The following FAM13A variants were observed in gnomAD, a reference collection of about 807,000 sequenced individuals.
FAM13A encodes the protein family with sequence similarity 13 member A, also known as protein FAM13A.
In FAM13A, 76 loss-of-function variants were observed where a neutral mutation model predicts 129.6. That is an observed-to-expected ratio of 0.59 (90% CI 0.49 to 0.71). FAM13A has a LOEUF of 0.71. Among genes scored for constraint, FAM13A ranks in the 30% least tolerant of loss-of-function variants. The probability of loss-of-function intolerance (pLI) is 0.00; values close to 1 mark genes in which losing one functional copy is unlikely to be tolerated. For synonymous variants in FAM13A, 443 were observed against 449.9 expected (o/e 0.98, Z 0.20); for missense variants, 1,108 against 1,249.3 (o/e 0.89, Z 1.70).
chr4:89,045,612 C>A (rs1770737833), intron 1 of FAM13A, among the ~76,000 whole-genome samples: 1 of 152,068 alleles, frequency 6.6e-6, no homozygotes, highest in Admixed American at 6.5e-5. Context: ...TTTTGCACAG[C>A]CAAGCAAAAA....
chr4:88,797,004 C>A (rs78824557), intron 8 of FAM13A, among the ~76,000 whole-genome samples: 1 of 151,710 alleles, frequency 6.6e-6, no homozygotes, highest in South Asian at 2.1e-4. Flanking sequence ...AGAAAATAGA[C>A]AAAAAAACCT....
At chr4:88,979,337 C>T (rs1312201396) in intron 4 of FAM13A, among the ~76,000 whole-genome samples, 1 of 152,074 alleles carries the variant, frequency 6.6e-6, no homozygotes, top group Admixed American at 6.6e-5. Context: ...AAAAGTACAT[C>T]CAACAAAAAT....
At chr4:89,022,695 T>C (rs1767431769) in intron 2 of FAM13A, among the ~76,000 whole-genome samples, 1 of 152,172 alleles carries the variant, frequency 6.6e-6, no homozygotes, top group Non-Finnish European at 1.5e-5. Flanking sequence ...TGATGTCATG[T>C]CATATTTTAA....
intron 3 of FAM13A, among the ~76,000 whole-genome samples, 197 bp downstream of exon 3, chr4:89,020,263 G>GT (rs34554002): frequency 2.8e-5 from 4 of 142,800 alleles, no homozygotes; most frequent in Non-Finnish European, 1.5e-5. Flanking sequence ...AATAAAACTG[G>GT]TTTTTTTTTT....
chr4:88,740,779 T>C (rs755463473), intron 19 of FAM13A, among the ~76,000 whole-genome samples: 5 of 152,226 alleles, frequency 3.3e-5, no homozygotes, highest in Non-Finnish European at 7.3e-5. Flanking sequence ...CTTGACAAGT[T>C]AGAATAAGAT....
At chr4:88,874,210 T>C (rs1317385778) in intron 6 of FAM13A, among the ~76,000 whole-genome samples, 3 of 152,192 alleles carry the variant, frequency 2.0e-5, no homozygotes, top group African/African-American at 7.2e-5. Flanking sequence ...TCTGGAAGCA[T>C]TCCCTTTGAA....
At chr4:88,737,577 A>G (rs751234239) in intron 20 of FAM13A, 22 bp from the exon 21 acceptor site, 1 of 1,604,128 alleles carries the variant, frequency 6.2e-7, no homozygotes, top group Non-Finnish European at 8.5e-7. Flanking sequence ...GTTAACAAGT[A>G]GGTTACATTC....
At chr4:88,859,390 G>A (rs545002063) in intron 6 of FAM13A, among the ~76,000 whole-genome samples, 179 of 152,218 alleles carry the variant, frequency 1.2e-3, no homozygotes, top group African/African-American at 3.9e-3. Flanking sequence ...ATCTTAGTCA[G>A]GACTCTCAGC....
chr4:88,750,014 G>A (rs1578481127), intron 15 of FAM13A, 105 bp from the exon 16 acceptor site: 9 of 1,208,038 alleles, frequency 7.5e-6, no homozygotes, highest in East Asian at 2.4e-5. Flanking sequence ...GGTGGGGTGG[G>A]GGCAGTGCGG....
chr4:88,730,415 C>T (rs1473253334), intron 23 of FAM13A, among the ~76,000 whole-genome samples: 3 of 152,104 alleles, frequency 2.0e-5, no homozygotes, highest in Admixed American at 6.6e-5. Context: ...TTTTTTGAGA[C>T]GAAGTCTTGC....
chr4:89,021,746 G>C (rs1176731700), intron 2 of FAM13A, among the ~76,000 whole-genome samples: 1 of 152,064 alleles, frequency 6.6e-6, no homozygotes, highest in Non-Finnish European at 1.5e-5. Context: ...TTTTAAGGTA[G>C]TAAACTGAGA....
chr4:88,894,617 G>T (rs1487597124), intron 6 of FAM13A, among the ~76,000 whole-genome samples: 1 of 152,190 alleles, frequency 6.6e-6, no homozygotes, highest in Non-Finnish European at 1.5e-5. Flanking sequence ...AGCCTCCCAG[G>T]TTCAAGCAAT....
intron 7 of FAM13A, among the ~76,000 whole-genome samples, chr4:88,832,884 T>C (rs1012077848): frequency 6.6e-6 from 1 of 152,154 alleles, no homozygotes; most frequent in African/African-American, 2.4e-5. Context: ...AGTGGGTATA[T>C]ACACCCCAAA....
In FAM13A at chr4:89,020,517, G is replaced by T; in HGVS notation, c.370C>A (p.Leu124Met). The part of the protein sequence containing the change: ...ASLLKLFLRE[L>M]PDSLITSALQ... ...GCTGAGGTGATCAGACTGTCAGGCA[G>T]CTCCCTCAGAAACAGCTTCAACAGA... Residue 124 changes from leucine to methionine, a missense_variant, in exon 3 of 24, where the codon CTG becomes ATG. Physicochemically the swap from Leu to Met is conservative, Grantham distance 15 (BLOSUM62 2). Transcript: ENST00000264344. The T allele has an allele frequency of 1.2e-6, 2 of 1,613,988 alleles. No individual in the cohort carries two copies. The highest frequency in any genetic ancestry group is 1.7e-6 in the Non-Finnish European group (2 of 1,179,946).
chr4:88,735,853 T>A (rs927295735), intron 21 of FAM13A, among the ~76,000 whole-genome samples: 1 of 152,146 alleles, frequency 6.6e-6, no homozygotes, highest in African/African-American at 2.4e-5. Context: ...AAAATATACT[T>A]GTGAAAAAAA....
chr4:88,732,499 T>A (rs1738052125), intron 21 of FAM13A: 1 of 223,130 alleles, frequency 4.5e-6, no homozygotes, highest in Non-Finnish European at 8.6e-6. Flanking sequence ...ACAACCATCA[T>A]AATTTATAAC....
In FAM13A at chr4:88,728,243, T is replaced by TA; in HGVS notation, c.*289dup. On this transcript the variant is annotated 3_prime_UTR_variant, in exon 24 of 24. Coordinates refer to ENST00000264344, the MANE Select transcript of FAM13A (RefSeq NM_014883.4). ...TGTAGTGATTAATCTCTGCTAGTGT[T>TA]AGGAAAGCTCCACTACTGTGTGTGT... 1 of 432,274 alleles carries TA rather than the reference T, an allele frequency of 2.3e-6. No individual in the cohort carries two copies. The allele number at this position is 432,274 out of a possible 1,614,324, so 26.8% of individuals were successfully genotyped here.
chr4:88,908,898 C>T (rs937956526), intron 5 of FAM13A, among the ~76,000 whole-genome samples: 4 of 152,158 alleles, frequency 2.6e-5, no homozygotes, highest in Non-Finnish European at 2.9e-5. Context: ...AGCCACAGGA[C>T]ACAGGTAACA....
chr4:89,039,038 A>G (rs968774299), intron 1 of FAM13A, among the ~76,000 whole-genome samples: 2 of 152,250 alleles, frequency 1.3e-5, no homozygotes, highest in African/African-American at 2.4e-5. Flanking sequence ...GTGATGCATT[A>G]TAAAGAATAC....
Sources: allele counts gnomAD v4.1 joint callset (sites outside exome capture counted in the v4.1 genomes callset), GRCh38; gene constraint gnomAD v4.1.1; transcripts MANE v1.5; gene names NCBI Gene and HGNC (gene_info 2026-07-23, HGNC 2026-07-21).